AGGF1: variants seen among roughly 807,000 people sequenced by gnomAD.
The protein encoded by AGGF1 is angiogenic factor with G-patch and FHA domains 1.
In AGGF1, 56 loss-of-function variants were observed where a neutral mutation model predicts 86.5. The ratio of observed to expected loss-of-function variants is 0.65; its 90% CI spans 0.52 to 0.81. The LOEUF is 0.81. Among genes scored for constraint, AGGF1 ranks in the 30% least tolerant of loss-of-function variants. AGGF1 has a pLI of 0.00. For synonymous variants in AGGF1, 313 were observed against 297.1 expected, an observed-to-expected ratio of 1.05 and a Z score of -0.55; for missense variants, 816 against 850.9, an observed-to-expected ratio of 0.96 and a Z score of 0.51.
chr5:77,052,790 G>A lies in AGGF1; in HGVS notation c.1450G>A (p.Gly484Arg). ...CAGTCAAAATGGCACAATTGTTAATGGAAAACAGATTCTTCAGGTGAGTGT... is the reference window on the plus strand; with the variant it reads ...CAGTCAAAATGGCACAATTGTTAATAGAAAACAGATTCTTCAGGTGAGTGT... Reference protein sequence around the residue: ...QGSQNGTIVNGKQILQPKTKC... With the variant: ...QGSQNGTIVNRKQILQPKTKC... Residue 484 changes from glycine (G) to arginine (R), a missense_variant, in exon 9 of 14, where the codon GGA becomes AGA. Transcript: ENST00000312916. The A allele has an allele frequency of 6.2e-7, 1 of 1,613,108 alleles. No homozygotes were observed. Among genetic ancestry groups the A allele is most frequent in the Non-Finnish European group, 8.5e-7 (1 of 1,179,258 alleles).
chr5:77,042,481 G>C (rs1411134569), intron 5 of AGGF1, among the ~76,000 whole-genome samples: 1 of 58,048 alleles, frequency 1.7e-5, no homozygotes, highest in Non-Finnish European at 4.4e-5. Flanking sequence ...GCGGCTGGCC[G>C]GGCGGGGGGC....
intron 4 of AGGF1, among the ~76,000 whole-genome samples, chr5:77,037,343 A>G (rs530782944): frequency 2.6e-5 from 4 of 152,346 alleles, no homozygotes; most frequent in African/African-American, 7.2e-5. Context: ...TAGGCTTGGA[A>G]TGAGAATTTT....
At chr5:77,033,346 A>C (rs980264196) in intron 1 of AGGF1, among the ~76,000 whole-genome samples, 1 of 152,240 alleles carries the variant, frequency 6.6e-6, no homozygotes. Flanking sequence ...AATTGGGGTT[A>C]GGACAACGAA....
Position 77,054,030 on chromosome 5 carries a change from C to G in AGGF1, c.1533C>G (p.Val511=). The change falls in exon 10 of 14, where the codon GTC becomes GTG. Residue 511 remains valine (V), a synonymous_variant. Coordinates refer to ENST00000312916, the MANE Select transcript of AGGF1 (RefSeq NM_018046.5). The stretch of plus-strand genomic sequence containing the variant: ...ATGAAGTCAAAATTGGAGAAACTGT[C>G]TTATCCTTTCACATTCATCCTGGCA... ...HGDEVKIGET[V]LSFHIHPGSD... is the part of the protein sequence containing the mutation. The G allele has an allele frequency of 6.2e-7, 1 of 1,614,140 alleles. No homozygotes were observed. Among genetic ancestry groups the G allele is most frequent in the Non-Finnish European group, 8.5e-7 (1 of 1,180,016 alleles).
intron 7 of AGGF1, 108 bp downstream of exon 7, chr5:77,048,380 T>C (rs1747308638): frequency 3.1e-5 from 28 of 897,286 alleles, no homozygotes; most frequent in Non-Finnish European, 4.8e-5. Context: ...GAGACAGAGT[T>C]GTGCTCTGTT....
chr5:77,044,069 G>A (rs529322548), intron 5 of AGGF1, among the ~76,000 whole-genome samples: 2 of 133,604 alleles, frequency 1.5e-5, no homozygotes, highest in South Asian at 2.7e-4. Flanking sequence ...GATGGCGGCC[G>A]GGCGGAGACG....
chr5:77,059,862 G>A, intron 12 of AGGF1, 119 bp downstream of exon 12: 1 of 1,351,446 alleles, frequency 7.4e-7, no homozygotes, highest in Non-Finnish European at 1.0e-6. Context: ...TTATTTATGA[G>A]ATGGAGTCTT....
chr5:77,046,646 C>A lies in AGGF1; in HGVS notation c.1170C>A (p.Gly390=), dbSNP rs878939844. The A allele has an allele frequency of 1.2e-6, 2 of 1,613,758 alleles. No homozygotes were observed. The highest frequency in any genetic ancestry group is 1.7e-5 in the Admixed American group (1 of 59,990). The part of the protein sequence containing the change: ...DSYDEAITSE[G]NVTAEDSEDE... ...ATGACGAAGCCATTACCAGTGAAGG[C>A]AATGTAACTGCAGAAGATAGTGAGG... The change falls in exon 6 of 14, where the codon GGC becomes GGA. Residue 390 remains glycine, a synonymous_variant. Transcript: ENST00000312916.
At position 77,063,402 on chromosome 5, in the gene AGGF1, A is replaced by G; in HGVS notation, c.*150A>G. On this transcript the variant is annotated 3_prime_UTR_variant, in exon 14 of 14. Transcript: ENST00000312916. ...AAATGTGTATGGTTTGCAGCTTTTA[A>G]AAACCATTTTTTTAAAACTAATAAA... 1 of 881,004 alleles carries G rather than the reference A, an allele frequency of 1.1e-6. No homozygotes were observed. The highest frequency in any genetic ancestry group is 2.9e-5 in the Admixed American group (1 of 34,900). 54.6% of individuals were successfully genotyped at this position (881,004 alleles called of 1,614,324 possible). A position where few individuals can be genotyped will look rare whatever the true frequency, so the allele number is the denominator to read the frequency against.
At chr5:77,053,847 C>T (rs1747417358) in intron 9 of AGGF1, 118 bp from the exon 10 acceptor site, 1 of 1,059,782 alleles carries the variant, frequency 9.4e-7, no homozygotes, top group Non-Finnish European at 1.4e-6. Flanking sequence ...GTGTCTATTT[C>T]ATTTATAGCT....
Position 77,064,393 on chromosome 5 carries a change from G to T in AGGF1, c.*1141G>T, listed in dbSNP as rs1742752070. 2 of 152,204 alleles carry T rather than the reference G, an allele frequency of 1.3e-5. No homozygotes were observed. Among genetic ancestry groups the T allele is most frequent in the South Asian group, 4.1e-4 (2 of 4,836 alleles). 9.4% of individuals were successfully genotyped at this position (152,204 alleles called of 1,614,324 possible). ...TACTATAAAGAAATGTCTTCGAGAT[G>T]TAGAAATAAGGAATATTCTGAAAAT... On this transcript the variant is annotated 3_prime_UTR_variant, in exon 14 of 14. Transcript: ENST00000312916.
rs397733074 is a variant in AGGF1, at chr5:77,063,273, A to AT, written c.*21_*22insT. ...AGTGAAGGCTAATCATAGAAAAAAA[A>AT]CCTCTAGTTTTTTTAAAAATAGAAT... On this transcript the variant is annotated 3_prime_UTR_variant, in exon 14 of 14. Transcript: ENST00000312916. The AT allele has an allele frequency of 2.2e-5, 35 of 1,606,954 alleles. No homozygotes were observed. In the Middle Eastern group the frequency reaches 5.1e-4, roughly 23 times the overall value.
intron 2 of AGGF1, among the ~76,000 whole-genome samples, chr5:77,035,094 T>C (rs1476025759): frequency 6.6e-6 from 1 of 152,212 alleles, no homozygotes; most frequent in Non-Finnish European, 1.5e-5. Flanking sequence ...ATCTGCATGA[T>C]ACGTTTTAAA....
Position 77,054,096 on chromosome 5 carries a change from C to A in AGGF1, c.1599C>A (p.Ala533=), listed in dbSNP as rs1306364911. The A allele has an allele frequency of 2.5e-6, 4 of 1,613,956 alleles. No homozygotes were observed. The African/African-American group carries it at 5.3e-5, about 22-fold the overall frequency. The change falls in exon 10 of 14, where the codon GCC becomes GCA. Residue 533 remains alanine, a synonymous_variant. Coordinates refer to ENST00000312916, the MANE Select transcript of AGGF1 (RefSeq NM_018046.5). ...CDGCEPGQVR[A]HLRLDKKDES... ...GCTGTGAACCAGGGCAGGTTAGAGC[C>A]CACCTTCGCCTTGATAAGAAAGATG...
intron 5 of AGGF1, among the ~76,000 whole-genome samples, chr5:77,045,175 G>A (rs1392840166): frequency 1.3e-5 from 2 of 152,114 alleles, no homozygotes; most frequent in Non-Finnish European, 2.9e-5. Flanking sequence ...AGAAAAGTGA[G>A]AGTGCGTTAG....
intron 5 of AGGF1, among the ~76,000 whole-genome samples, chr5:77,042,930 CG>C (rs1747147069): frequency 6.9e-5 from 4 of 57,596 alleles, no homozygotes; most frequent in Non-Finnish European, 1.2e-4. Flanking sequence ...ACCTCCCTCC[CG>C]GGCGGGGCGG....
At chr5:77,061,327 TTATTTTGTGTCTA>T (rs929918319) in intron 12 of AGGF1, among the ~76,000 whole-genome samples, 16 of 152,224 alleles carry the variant, frequency 1.1e-4, no homozygotes, top group African/African-American at 3.9e-4. Context: ...AATTCAGTAT[TTATTTTGTGTCTA>T]TATTTTTTGT....
In AGGF1 at chr5:77,035,700, AT is replaced by A. The variant is rs1238315607; in HGVS notation, c.474del (p.Asn158LysfsTer21). 6.2e-7 allele frequency: 1 copy of A among 1,613,584 alleles called. No homozygotes were observed. The highest frequency in any genetic ancestry group is 1.3e-5 in the African/African-American group (1 of 74,914). On this transcript the variant is annotated frameshift_variant, in exon 3 of 14. Coordinates refer to ENST00000312916, the MANE Select transcript of AGGF1 (RefSeq NM_018046.5). LOFTEE classifies it high-confidence loss of function. Reference protein sequence around the residue: ...DAYPGTDRTENVKYRQVDHFA... With the variant: ...DAYPGTDRTEXVKYRQVDHFA... ...TACCCTGGTACCGATAGAACAGAAA[AT>A]GTTAAATATAGACAAGTGGACCATT...
intron 5 of AGGF1, among the ~76,000 whole-genome samples, chr5:77,042,522 C>T (rs1220964178): frequency 4.6e-5 from 3 of 65,094 alleles, no homozygotes; most frequent in African/African-American, 4.6e-5. Flanking sequence ...CCGGACGGGG[C>T]GGCTGGCCGG....
Sources: allele counts gnomAD v4.1 joint callset (sites outside exome capture counted in the v4.1 genomes callset), GRCh38; gene constraint gnomAD v4.1.1; transcripts MANE v1.5; gene names NCBI Gene and HGNC (gene_info 2026-07-23, HGNC 2026-07-21).